Variants in QRFPR observed in about 807,000 individuals in gnomAD.
QRFPR encodes the protein pyroglutamylated RFamide peptide receptor.
Under a neutral mutation model 31.3 loss-of-function variants are expected in QRFPR, and 37 were observed. That is an observed-to-expected ratio of 1.18 (90% CI 0.91 to 1.56). The LOEUF (loss-of-function observed/expected upper bound fraction) is 1.56. Ranked by LOEUF, QRFPR falls within the 40% of genes most tolerant of loss-of-function variation. QRFPR has a pLI of 0.00. For missense variants in QRFPR, 542 were observed against 532.5 expected, an observed-to-expected ratio of 1.02 and a Z score of -0.18; for synonymous variants, 197 against 192.0, an observed-to-expected ratio of 1.03 and a Z score of -0.22.
chr4:121,352,741 C>G (rs1429215740), intron 1 of QRFPR, among the ~76,000 whole-genome samples: 2 of 151,990 alleles, frequency 1.3e-5, no homozygotes, highest in African/African-American at 2.4e-5. Flanking sequence ...CAATTCCACT[C>G]TTTTCGTTAT....
chr4:121,361,680 A>G (rs896273686), intron 1 of QRFPR, among the ~76,000 whole-genome samples: 13 of 150,204 alleles, frequency 8.7e-5, no homozygotes, highest in African/African-American at 3.0e-4. Context: ...CTGCGTGTCC[A>G]TGGACCAGGC....
chr4:121,347,562 C>T (rs1015144236), intron 1 of QRFPR, among the ~76,000 whole-genome samples: 17 of 152,044 alleles, frequency 1.1e-4, no homozygotes, highest in African/African-American at 3.9e-4. Context: ...CATGTAGTTT[C>T]TTCTACTTTG....
At chr4:121,350,060 A>G (rs777715363) in intron 1 of QRFPR, among the ~76,000 whole-genome samples, 9 of 152,220 alleles carry the variant, frequency 5.9e-5, no homozygotes, top group Non-Finnish European at 1.2e-4. Context: ...GTCAAGGCCT[A>G]TGGAAAGTGA....
At chr4:121,380,160 C>CGA (rs1726445719) in intron 1 of QRFPR, 148 bp downstream of exon 1, 2 of 594,286 alleles carry the variant, frequency 3.4e-6, no homozygotes, top group African/African-American at 4.4e-5. Context: ...AAGAGACAGA[C>CGA]GAGAGAGAGA....
At chr4:121,343,709 C>A (rs1001590649) in intron 1 of QRFPR, among the ~76,000 whole-genome samples, 2 of 151,956 alleles carry the variant, frequency 1.3e-5, no homozygotes, top group African/African-American at 4.8e-5. Flanking sequence ...TTGAGAAGAA[C>A]CTTGTACTTT....
chr4:121,331,819 A>T (rs1001406217), intron 4 of QRFPR, among the ~76,000 whole-genome samples: 2 of 151,660 alleles, frequency 1.3e-5, no homozygotes, highest in Admixed American at 1.3e-4. Context: ...CGCCTGGCTA[A>T]TTTTTGTATT....
intron 1 of QRFPR, among the ~76,000 whole-genome samples, chr4:121,379,134 T>C (rs692593): frequency 0.074 from 11,325 of 152,272 alleles, 586 homozygotes; most frequent in African/African-American, 0.14. Context: ...TGTGTATTAC[T>C]TTCAAGTCAA....
chr4:121,371,859 T>C lies in QRFPR; in HGVS notation c.340+8449A>G, dbSNP rs540900377. ...CAGTTGTTAGCTTGTCACACTTCCA[T>C]TGATTCAGTTAGTAAGGAGACAATG... On this transcript the variant is annotated intron_variant, in intron 1 of 5. Coordinates refer to ENST00000394427, the MANE Select transcript of QRFPR (RefSeq NM_198179.3). Among the ~76,000 whole-genome samples the C allele has an allele frequency of 4.6e-5, 7 of 152,298 alleles. No homozygotes were observed. The South Asian group carries it at 1.2e-3, about 27-fold the overall frequency.
At chr4:121,358,239 G>A in intron 1 of QRFPR, among the ~76,000 whole-genome samples, 1 of 152,174 alleles carries the variant, frequency 6.6e-6, no homozygotes, top group East Asian at 1.9e-4. Flanking sequence ...AACATTATAA[G>A]AGATACCTAC....
At chr4:121,331,083 T>C (rs1435731515) in intron 4 of QRFPR, among the ~76,000 whole-genome samples, 2 of 149,734 alleles carry the variant, frequency 1.3e-5, no homozygotes, top group African/African-American at 2.5e-5. Context: ...CTAGGCAACA[T>C]GGCAAAAACG....
At chr4:121,367,791 G>T (rs1458654705) in intron 1 of QRFPR, among the ~76,000 whole-genome samples, 1 of 149,660 alleles carries the variant, frequency 6.7e-6, no homozygotes, top group African/African-American at 2.5e-5. Context: ...GTGGGAATAA[G>T]TTTTCCTAAG....
At chr4:121,331,559 T>A (rs1725325273) in intron 4 of QRFPR, among the ~76,000 whole-genome samples, 1 of 141,376 alleles carries the variant, frequency 7.1e-6, no homozygotes. Flanking sequence ...AGGATTTACA[T>A]CTGCAAGAGC....
chr4:121,350,358 C>T (rs1023475663), intron 1 of QRFPR, among the ~76,000 whole-genome samples: 7 of 152,256 alleles, frequency 4.6e-5, no homozygotes, highest in Admixed American at 3.3e-4. Flanking sequence ...TTATTTTCAG[C>T]GAGCGGTGTC....
chr4:121,380,192 AG>A, intron 1 of QRFPR, 115 bp downstream of exon 1: 4 of 154,040 alleles, frequency 2.6e-5, no homozygotes, highest in Non-Finnish European at 4.4e-5. Context: ...GAGAGGAGAG[AG>A]AGAGAGAGAG....
At chr4:121,360,319 AG>A (rs1725965320) in intron 1 of QRFPR, among the ~76,000 whole-genome samples, 1 of 152,224 alleles carries the variant, frequency 6.6e-6, no homozygotes, top group Non-Finnish European at 1.5e-5. Context: ...CTTTCTTAGA[AG>A]CTAACCACAG....
intron 1 of QRFPR, among the ~76,000 whole-genome samples, chr4:121,367,699 T>C (rs1020648200): frequency 1.3e-5 from 2 of 150,372 alleles, no homozygotes; most frequent in Non-Finnish European, 3.0e-5. Context: ...ACAACAATTA[T>C]AGTTTCCTTT....
intron 3 of QRFPR, among the ~76,000 whole-genome samples, chr4:121,333,832 AT>A (rs1309063760): frequency 6.6e-6 from 1 of 152,202 alleles, no homozygotes; most frequent in Non-Finnish European, 1.5e-5. Flanking sequence ...AAAAACGAGA[AT>A]ATTTATCAAA....
At chr4:121,336,951 C>T in intron 2 of QRFPR, 83 bp from the exon 3 acceptor site, 1 of 1,248,524 alleles carries the variant, frequency 8.0e-7, no homozygotes, top group Admixed American at 1.7e-5. Flanking sequence ...TCAAGATTCC[C>T]TATGAGAGGG....
At chr4:121,365,604 T>TATATATTATATATTATATATA in intron 1 of QRFPR, among the ~76,000 whole-genome samples, 3 of 3,608 alleles carry the variant, frequency 8.3e-4, no homozygotes, top group South Asian at 5.6e-3. Flanking sequence ...ATATATATAA[T>TATATATTATATATTATATATA]ATATATATTA....
Sources: gnomAD v4.1 joint callset for allele counts (sites outside exome capture counted in the v4.1 genomes callset) on GRCh38, gnomAD v4.1.1 for gene constraint, MANE v1.5 for transcripts, NCBI Gene and HGNC (gene_info 2026-07-23, HGNC 2026-07-21) for gene names.